The following PIGF variants were observed in gnomAD, a reference collection of about 807,000 sequenced individuals.
PIGF encodes the protein GPI ethanolamine phosphate transferase, stabilizing subunit.
A neutral mutation model predicts 26.0 loss-of-function variants in PIGF; 23 were observed. That is an observed-to-expected ratio of 0.88 (90% CI 0.64 to 1.25). PIGF has a LOEUF of 1.25. Among genes scored for constraint, PIGF ranks in the 50% most tolerant of loss-of-function variants. The pLI, the probability that PIGF is intolerant of heterozygous loss-of-function variation, is 0.00. For synonymous variants in PIGF, 93 were observed against 92.6 expected (o/e 1.00, Z -0.03); for missense variants, 278 against 249.9 (o/e 1.11, Z -0.76).
intron 5 of PIGF, chr2:46,581,891 T>TA (rs1669394784): frequency 3.9e-6 from 1 of 255,266 alleles, no homozygotes; most frequent in Admixed American, 5.1e-5. Context: ...GCCATAATGA[T>TA]AGACTCAATT....
At chr2:46,603,337 C>A (rs1234094877) in intron 4 of PIGF, among the ~76,000 whole-genome samples, 1 of 152,002 alleles carries the variant, frequency 6.6e-6, no homozygotes, top group Non-Finnish European at 1.5e-5. Context: ...CAACACTATT[C>A]TTCACATAAA....
chr2:46,616,058 C>CGCGCGT, intron 1 of PIGF: 1 of 151,954 alleles, frequency 6.6e-6, no homozygotes. Flanking sequence ...CACGCGCGCG[C>CGCGCGT]GCGCGTGGGC....
intron 5 of PIGF, among the ~76,000 whole-genome samples, chr2:46,585,307 T>C (rs1669534956): frequency 1.3e-5 from 2 of 152,286 alleles, no homozygotes; most frequent in East Asian, 1.9e-4. Flanking sequence ...GTGAGAGTTT[T>C]TTATAAATTT....
At chr2:46,600,092 C>A (rs1670009713) in intron 4 of PIGF, among the ~76,000 whole-genome samples, 2 of 152,202 alleles carry the variant, frequency 1.3e-5, no homozygotes, top group South Asian at 4.1e-4. Flanking sequence ...ATAATTGAGA[C>A]TTAAAAATTC....
intron 5 of PIGF, among the ~76,000 whole-genome samples, chr2:46,585,029 C>T (rs1282426381): frequency 6.6e-6 from 1 of 152,152 alleles, no homozygotes; most frequent in Non-Finnish European, 1.5e-5. Flanking sequence ...ATTTCCTTAT[C>T]TCACATACAG....
At chr2:46,614,119 C>A in intron 2 of PIGF, 1 of 177,798 alleles carries the variant, frequency 5.6e-6, no homozygotes, top group Non-Finnish European at 1.2e-5. Flanking sequence ...AGCTAGGATA[C>A]AAAAAATACA....
chr2:46,586,581 T>C (rs1669579394), intron 5 of PIGF, among the ~76,000 whole-genome samples: 1 of 152,168 alleles, frequency 6.6e-6, no homozygotes, highest in Admixed American at 6.5e-5. Flanking sequence ...TCTCTCGAGA[T>C]AAAAAGGAAG....
intron 1 of PIGF, 86 bp from the exon 2 acceptor site, chr2:46,615,271 A>G (rs2242033): frequency 0.43 from 277,475 of 641,608 alleles, 64,414 homozygotes; most frequent in African/African-American, 0.72. Context: ...AATAGGTCAT[A>G]AAGTCAATTT....
At chr2:46,583,512 C>A (rs1163645852) in intron 5 of PIGF, among the ~76,000 whole-genome samples, 1 of 152,106 alleles carries the variant, frequency 6.6e-6, no homozygotes, top group Non-Finnish European at 1.5e-5. Context: ...CTTAGGTACT[C>A]TACTGACCTT....
intron 4 of PIGF, among the ~76,000 whole-genome samples, chr2:46,611,385 G>A (rs1423776828): frequency 6.6e-6 from 1 of 151,852 alleles, no homozygotes; most frequent in East Asian, 1.9e-4. Context: ...TTGGGAGGCT[G>A]AGGCAGGAGA....
intron 4 of PIGF, among the ~76,000 whole-genome samples, chr2:46,609,341 T>G (rs1670328468): frequency 6.6e-6 from 1 of 152,256 alleles, no homozygotes; most frequent in Admixed American, 6.5e-5. Context: ...GGATTTGGCT[T>G]AGAATGTTGT....
chr2:46,598,552 T>TTTTTTTTTTTTTTTTG (rs1350980432), intron 4 of PIGF, among the ~76,000 whole-genome samples: 1 of 146,482 alleles, frequency 6.8e-6, no homozygotes, highest in African/African-American at 2.5e-5. Flanking sequence ...TTTTTTTTTT[T>TTTTTTTTTTTTTTTTG]TAGCTCATCA....
At chr2:46,616,455 C>G (rs998824168) in intron 1 of PIGF, 3 of 152,454 alleles carry the variant, frequency 2.0e-5, no homozygotes, top group Non-Finnish European at 4.4e-5. Flanking sequence ...AGGACCCAAA[C>G]TCAAATGTTT....
chr2:46,615,864 G>A lies in PIGF; in HGVS notation c.-21-679C>T, dbSNP rs139446056. On this transcript the variant is annotated intron_variant, in intron 1 of 5. Coordinates refer to ENST00000281382, the MANE Select transcript of PIGF (RefSeq NM_002643.4). ...TTCCAACCAAAAGTAGAGCACGAACGGAAGGAGGAAAAAAAAATTACCGTC... is the reference window on the plus strand; with the variant it reads ...TTCCAACCAAAAGTAGAGCACGAACAGAAGGAGGAAAAAAAAATTACCGTC... The A allele has an allele frequency of 5.9e-5, 9 of 151,858 alleles. No individual in the cohort carries two copies. In the East Asian group the frequency reaches 1.7e-3, roughly 29 times the overall value. 9.4% of individuals were successfully genotyped at this position (151,858 alleles called of 1,614,324 possible). A position where few individuals can be genotyped will look rare whatever the true frequency, so the allele number is the denominator to read the frequency against.
chr2:46,609,614 C>A (rs183253742), intron 4 of PIGF, among the ~76,000 whole-genome samples: 113 of 152,136 alleles, frequency 7.4e-4, no homozygotes, highest in African/African-American at 2.6e-3. Context: ...TTTCCTTTCA[C>A]TTGAACACTT....
intron 4 of PIGF, among the ~76,000 whole-genome samples, chr2:46,609,638 A>G (rs1003508801): frequency 2.7e-5 from 4 of 150,162 alleles, no homozygotes; most frequent in Admixed American, 1.3e-4. Flanking sequence ...AGACCATAGT[A>G]TGGTTATTAA....
intron 5 of PIGF, chr2:46,592,038 C>G (rs777657671): frequency 6.0e-5 from 70 of 1,166,984 alleles, no homozygotes; most frequent in Non-Finnish European, 2.7e-5. Context: ...ATTTCTGCAG[C>G]TATTAACCTA....
At chr2:46,598,553 T>TA (rs1558704711) in intron 4 of PIGF, among the ~76,000 whole-genome samples, 10 of 146,764 alleles carry the variant, frequency 6.8e-5, no homozygotes, top group South Asian at 2.1e-4. Flanking sequence ...TTTTTTTTTT[T>TA]AGCTCATCAG....
chr2:46,581,280 C>T lies in PIGF; in HGVS notation c.*198G>A. On this transcript the variant is annotated 3_prime_UTR_variant, in exon 6 of 6. Coordinates refer to ENST00000281382, the MANE Select transcript of PIGF (RefSeq NM_002643.4). ...AGAAGCAGTAAGCAGCATCTGAAGC[C>T]ACAATCTATTATAAATACTTTATTT... 1 of 976,404 alleles carries T rather than the reference C, an allele frequency of 1.0e-6. No homozygotes were observed. The highest frequency in any genetic ancestry group is 1.5e-6 in the Non-Finnish European group (1 of 672,660). 60.5% of individuals were successfully genotyped at this position (976,404 alleles called of 1,614,324 possible). A position where few individuals can be genotyped will look rare whatever the true frequency, so the allele number is the denominator to read the frequency against.
Sources: gnomAD v4.1 joint callset for allele counts (sites outside exome capture counted in the v4.1 genomes callset) on GRCh38, gnomAD v4.1.1 for gene constraint, MANE v1.5 for transcripts, NCBI Gene and HGNC (gene_info 2026-07-23, HGNC 2026-07-21) for gene names.